Variants in WWP2 observed in about 807,000 individuals in gnomAD.
The protein encoded by WWP2 is NEDD4-like E3 ubiquitin-protein ligase WWP2.
A neutral mutation model predicts 121.0 loss-of-function variants in WWP2; 57 were observed. The ratio of observed to expected loss-of-function variants is 0.47; its 90% CI spans 0.38 to 0.59. The LOEUF (loss-of-function observed/expected upper bound fraction) is 0.59. Among genes scored for constraint, WWP2 ranks in the 20% least tolerant of loss-of-function variants. The probability of loss-of-function intolerance (pLI) is 0.00; values close to 1 mark genes in which losing one functional copy is unlikely to be tolerated. For missense variants in WWP2, 962 were observed against 1,158.9 expected (o/e 0.83, Z 2.47); for synonymous variants, 449 against 441.3 (o/e 1.02, Z -0.22).
chr16:69,931,505 T>C lies in WWP2; in HGVS notation c.1522-4T>C. The C allele has an allele frequency of 6.2e-7, 1 of 1,612,906 alleles. No homozygotes were observed. The highest frequency in any genetic ancestry group is 1.3e-5 in the African/African-American group (1 of 74,792). ...TTAAAGTTCTTTTCTTTTTTTTTTT[T>C]CAGTCAAATGCCCTACCTAGCCACG... On this transcript the variant is annotated splice_polypyrimidine_tract_variant and splice_region_variant and intron_variant, in intron 14 of 23. Transcript: ENST00000359154.
chr16:69,911,442 T>C (rs2058377354), intron 9 of WWP2, among the ~76,000 whole-genome samples: 1 of 152,168 alleles, frequency 6.6e-6, no homozygotes, highest in Non-Finnish European at 1.5e-5. Context: ...TGGAGGTGGC[T>C]GCCTGCATAT....
At chr16:69,785,938 A>C (rs1367905848) in intron 1 of WWP2, 3 of 150,672 alleles carry the variant, frequency 2.0e-5, no homozygotes, top group Non-Finnish European at 4.4e-5. Flanking sequence ...TACCCATTTA[A>C]ATAATTGTAT....
intron 2 of WWP2, among the ~76,000 whole-genome samples, chr16:69,791,058 AGTGAACTAATATGGTTT>A (rs1278088664): frequency 6.6e-6 from 1 of 152,086 alleles, no homozygotes; most frequent in African/African-American, 2.4e-5. Context: ...GATGAGTTAG[AGTGAACTAATATGGTTT>A]TAAACTGGGG....
intron 1 of WWP2, among the ~76,000 whole-genome samples, chr16:69,776,973 T>C (rs1444192502): frequency 6.6e-6 from 1 of 152,156 alleles, no homozygotes; most frequent in African/African-American, 2.4e-5. Context: ...TGTAGACCAG[T>C]AGTCTCAAGC....
chr16:69,807,049 A>G (rs1255072619), intron 4 of WWP2, among the ~76,000 whole-genome samples: 2 of 143,872 alleles, frequency 1.4e-5, no homozygotes, highest in African/African-American at 2.6e-5. Context: ...TTTTTTTGAG[A>G]TGGAGTTTAT....
At chr16:69,835,246 G>A (rs2056854244) in intron 4 of WWP2, among the ~76,000 whole-genome samples, 1 of 152,152 alleles carries the variant, frequency 6.6e-6, no homozygotes. Flanking sequence ...AGGTGAGGTG[G>A]CTAAGACTGC....
At chr16:69,878,980 C>T (rs1043100612) in intron 7 of WWP2, among the ~76,000 whole-genome samples, 2 of 152,082 alleles carry the variant, frequency 1.3e-5, no homozygotes, top group African/African-American at 2.4e-5. Flanking sequence ...TTTCTGCAGC[C>T]TTGTAAATAT....
At chr16:69,895,014 G>A (rs1597123423) in intron 8 of WWP2, 1 of 152,198 alleles carries the variant, frequency 6.6e-6, no homozygotes, top group Non-Finnish European at 1.5e-5. Context: ...TCCTGCCTCC[G>A]AGTGGAATTA....
At position 69,902,968 on chromosome 16, in the gene WWP2, A is replaced by G. The variant is rs191845894; in HGVS notation, c.915-5793A>G. ...AGGGAGGCAGGCCAGGTCATGGATC[A>G]GGGAGGACCCGCAGGGACATTTAAT... On this transcript the variant is annotated intron_variant, in intron 8 of 23. Coordinates refer to ENST00000359154, the MANE Select transcript of WWP2 (RefSeq NM_001270454.2). Among the ~76,000 whole-genome samples, 215 of 152,334 alleles carry G rather than the reference A, an allele frequency of 1.4e-3. 1 individual carries two copies. The highest frequency in any genetic ancestry group is 5.0e-3 in the African/African-American group (206 of 41,574).
At chr16:69,909,069 G>A in intron 9 of WWP2, 4 of 1,330,878 alleles carry the variant, frequency 3.0e-6, no homozygotes, top group South Asian at 1.9e-5. Context: ...AAGGCGCATG[G>A]GAGGCCAAGA....
Position 69,840,196 on chromosome 16 carries a change from G to T in WWP2, c.411G>T (p.Leu137=), listed in dbSNP as rs1331357465. ...NKGSVVSGGE[L]TIFLDGPTVD... ...GCAGCGTTGTCTCAGGCGGAGAGCT[G>T]ACAATTTTCCTGGACGGGCCAACTG... Residue 137 remains leucine, a synonymous_variant, in exon 5 of 24, where the codon CTG becomes CTT. Transcript: ENST00000359154. The T allele has an allele frequency of 6.2e-7, 1 of 1,614,258 alleles. No homozygotes were observed. The highest frequency in any genetic ancestry group is 2.2e-5 in the East Asian group (1 of 44,890).
At chr16:69,780,465 T>G (rs747443360) in intron 1 of WWP2, among the ~76,000 whole-genome samples, 6 of 152,244 alleles carry the variant, frequency 3.9e-5, no homozygotes, top group Admixed American at 1.3e-4. Context: ...CTTCTGTGTG[T>G]GTTGGAGAAT....
chr16:69,836,821 G>T (rs1014890585), intron 4 of WWP2, among the ~76,000 whole-genome samples: 21 of 151,482 alleles, frequency 1.4e-4, no homozygotes, highest in Admixed American at 7.9e-4. Context: ...TCACCATGTT[G>T]CCCAGGATGG....
At chr16:69,854,160 A>C (rs967134114) in intron 6 of WWP2, among the ~76,000 whole-genome samples, 1 of 152,242 alleles carries the variant, frequency 6.6e-6, no homozygotes, top group African/African-American at 2.4e-5. Flanking sequence ...ATTGTGATCG[A>C]AAGGGGACAA....
chr16:69,862,349 G>A (rs1208745568), intron 6 of WWP2, among the ~76,000 whole-genome samples: 1 of 152,204 alleles, frequency 6.6e-6, no homozygotes, highest in Non-Finnish European at 1.5e-5. Flanking sequence ...ACAGGCGTGA[G>A]CTACCGCGCC....
At chr16:69,765,457 G>A (rs1256059537) in intron 1 of WWP2, among the ~76,000 whole-genome samples, 1 of 152,136 alleles carries the variant, frequency 6.6e-6, no homozygotes, top group Non-Finnish European at 1.5e-5. Flanking sequence ...ATTAGAGAAG[G>A]GCACATTGAT....
intron 6 of WWP2, among the ~76,000 whole-genome samples, chr16:69,866,630 G>C (rs1048601258): frequency 1.3e-5 from 2 of 151,984 alleles, no homozygotes; most frequent in Non-Finnish European, 2.9e-5. Flanking sequence ...GTGGTAGCCT[G>C]TGTCAAAATT....
At chr16:69,826,612 G>T (rs1376780898) in intron 4 of WWP2, among the ~76,000 whole-genome samples, 1 of 149,796 alleles carries the variant, frequency 6.7e-6, no homozygotes, top group Non-Finnish European at 1.5e-5. Flanking sequence ...GGGCACGGTG[G>T]CTAAGGCCTG....
chr16:69,849,396 G>A (rs2057156255), intron 6 of WWP2, among the ~76,000 whole-genome samples: 1 of 152,174 alleles, frequency 6.6e-6, no homozygotes, highest in African/African-American at 2.4e-5. Flanking sequence ...GTCCTCCCAT[G>A]CAGTAGCTTA....
Sources: gnomAD v4.1 joint callset for allele counts (sites outside exome capture counted in the v4.1 genomes callset) on GRCh38, gnomAD v4.1.1 for gene constraint, MANE v1.5 for transcripts, NCBI Gene and HGNC (gene_info 2026-07-23, HGNC 2026-07-21) for gene names.